ZNF483: variants seen among roughly 807,000 people sequenced by gnomAD.
ZNF483 encodes the protein zinc finger protein 483.
Under a neutral mutation model 28.6 loss-of-function variants are expected in ZNF483, and 9 were observed. The observed-to-expected ratio is 0.32, with a 90% CI of 0.19 to 0.55. ZNF483 has a LOEUF of 0.55. ZNF483 is among the 20% of genes least tolerant of loss of function. The probability of loss-of-function intolerance (pLI) is 0.93; values close to 1 mark genes in which losing one functional copy is unlikely to be tolerated. For missense variants in ZNF483, 675 were observed against 871.7 expected (o/e 0.77, Z 2.84); for synonymous variants, 322 against 306.2 (o/e 1.05, Z -0.54).
chr9:111,563,023 T>C, intron 5 of ZNF483: 2 of 1,490,846 alleles, frequency 1.3e-6, no homozygotes, highest in South Asian at 1.4e-5. Context: ...TGAGTACTAT[T>C]TCTTAAGACA....
chr9:111,570,424 CA>C (rs1200233134), intron 5 of ZNF483, among the ~76,000 whole-genome samples: 3 of 152,070 alleles, frequency 2.0e-5, no homozygotes, highest in Non-Finnish European at 2.9e-5. Context: ...TGTTCATATC[CA>C]AAAACCCCAG....
At chr9:111,534,184 C>A in intron 4 of ZNF483, 77 bp from the exon 5 acceptor site, 1 of 1,216,632 alleles carries the variant, frequency 8.2e-7, no homozygotes, top group Middle Eastern at 2.0e-4. Flanking sequence ...CTTGGAGAAC[C>A]AGAGGCTATA....
At chr9:111,571,358 G>A (rs1047691938) in intron 5 of ZNF483, among the ~76,000 whole-genome samples, 1 of 149,672 alleles carries the variant, frequency 6.7e-6, no homozygotes, top group African/African-American at 2.4e-5. Flanking sequence ...GCAGTGAGCT[G>A]AGATTGCACC....
intron 5 of ZNF483, among the ~76,000 whole-genome samples, chr9:111,567,114 G>A (rs1285388224): frequency 1.3e-5 from 2 of 151,406 alleles, no homozygotes; most frequent in African/African-American, 2.4e-5. Context: ...CGGGGGGCGT[G>A]GGATATGGAG....
At chr9:111,556,156 G>A (rs1054493289), downstream of ZNF483, among the ~76,000 whole-genome samples, 2 of 152,224 alleles carry the variant, frequency 1.3e-5, no homozygotes, top group African/African-American at 4.8e-5. Flanking sequence ...CCAAAACCTG[G>A]TGGGGCAGTC....
rs1827785679 is a variant in ZNF483 at position 111,545,504 on chromosome 9, A to G, written c.*2334A>G. Among the ~76,000 whole-genome samples, 1 of 152,158 alleles carries G rather than the reference A, an allele frequency of 6.6e-6. No homozygotes were observed. The highest frequency in any genetic ancestry group is 2.4e-5 in the African/African-American group (1 of 41,436). On this transcript the variant is annotated 3_prime_UTR_variant, in exon 6 of 6. Transcript: ENST00000309235. ...TTTAGTAAATATGCTGAGTTGTGCAACCATTACCATAATCCATTTTTTAGA... is the reference window on the plus strand; with the variant it reads ...TTTAGTAAATATGCTGAGTTGTGCAGCCATTACCATAATCCATTTTTTAGA...
rs538773631 is a variant in ZNF483, at chr9:111,551,833, T to G, written c.*8663T>G. ...TCAGTAACATATCAATTCAGTTTAT[T>G]AGCATCAAATTTGATGAAGCAGTGC... On this transcript the variant is annotated 3_prime_UTR_variant, in exon 6 of 6. Coordinates refer to ENST00000309235, the MANE Select transcript of ZNF483 (RefSeq NM_133464.5). Among the ~76,000 whole-genome samples, 6 of 152,342 alleles carry G rather than the reference T, an allele frequency of 3.9e-5. No homozygotes were observed. Among genetic ancestry groups the G allele is most frequent in the Admixed American group, 1.3e-4 (2 of 15,304 alleles).
At chr9:111,576,496 C>G in exon 6 of ZNF483, 2 of 1,584,584 alleles carry the variant, frequency 1.3e-6, no homozygotes, top group South Asian at 2.3e-5. Context: ...TCAAGAGGCT[C>G]TGGTTCGGGG....
rs751792658 is a variant in ZNF483, at chr9:111,549,809, C to G, written c.*6639C>G. 8.8e-6 allele frequency: 13 copies of G among 1,485,060 alleles called. No individual in the cohort carries two copies. The highest frequency in any genetic ancestry group is 1.1e-5 in the Non-Finnish European group (12 of 1,087,324). 92.0% of individuals were successfully genotyped at this position (1,485,060 alleles called of 1,614,324 possible). On this transcript the variant is annotated 3_prime_UTR_variant, in exon 6 of 6. Coordinates refer to ENST00000309235, the MANE Select transcript of ZNF483 (RefSeq NM_133464.5). ...CATTTTCTCTTTTGATCTGTCAACA[C>G]AATCAGAACATTTAGCTCTTTGAGC...
At chr9:111,563,461 A>G (rs1828403141) in intron 5 of ZNF483, 2 of 405,144 alleles carry the variant, frequency 4.9e-6, no homozygotes, top group South Asian at 6.6e-5. Context: ...GTGTCGGATC[A>G]TAGTGCGAAA....
chr9:111,528,367 T>A (rs914536523), intron 2 of ZNF483, among the ~76,000 whole-genome samples: 1 of 152,238 alleles, frequency 6.6e-6, no homozygotes, highest in Admixed American at 6.5e-5. Context: ...TATTTTATAG[T>A]GCAGTTCCAC....
rs1827328132 is a variant in ZNF483 at position 111,530,901 on chromosome 9, TC to T, written c.442del (p.Gln148LysfsTer23). 6.5e-7 allele frequency: 1 copy of T among 1,530,936 alleles called. No homozygotes were observed. The highest frequency in any genetic ancestry group is 8.9e-7 in the Non-Finnish European group (1 of 1,126,668). The allele number at this position is 1,530,936 out of a possible 1,614,324, so 94.8% of individuals were successfully genotyped here. A position where few individuals can be genotyped will look rare whatever the true frequency, so the allele number is the denominator to read the frequency against. ...TCCAGTCTCTCAAGATTCTACTGTT[TC>T]CCAAGAGGAGAACTCAAAAGAGGAT... ...KDPVSQDSTV[S>X]QEENSKEDKM... is the part of the protein sequence containing the mutation. On this transcript the variant is annotated frameshift_variant, in exon 3 of 6. Coordinates refer to ENST00000309235, the MANE Select transcript of ZNF483 (RefSeq NM_133464.5). LOFTEE classifies it high-confidence loss of function.
intron 5 of ZNF483, among the ~76,000 whole-genome samples, chr9:111,540,386 G>T (rs1827644056): frequency 6.6e-6 from 1 of 152,186 alleles, no homozygotes; most frequent in African/African-American, 2.4e-5. Flanking sequence ...AAAAGTGACA[G>T]TGTGACCTCA....
At position 111,548,711 on chromosome 9, in the gene ZNF483, T is replaced by A. The variant is rs1376044209; in HGVS notation, c.*5541T>A. On this transcript the variant is annotated 3_prime_UTR_variant, in exon 6 of 6. Transcript: ENST00000309235. ...TTATATCATTCCGTATGATGTTAGC[T>A]GTGGTCTTTTCATATTTGACCTTTA... 6.6e-6 allele frequency among the ~76,000 whole-genome samples: 1 copy of A among 152,252 alleles called. No homozygotes were observed. The highest frequency in any genetic ancestry group is 2.4e-5 in the African/African-American group (1 of 41,478).
chr9:111,541,761 G>C lies in ZNF483; in HGVS notation c.826G>C (p.Gly276Arg). The change falls in exon 6 of 6, where the codon GGT (glycine) becomes CGT (arginine). Residue 276 changes from glycine (G) to arginine (R), a missense_variant. Gly to Arg is a moderately radical substitution (Grantham distance 125). Transcript: ENST00000309235. The part of the protein sequence containing the change: ...QYCGSSEEDH[G>R]NQGNSKGRVA... ...TTGTGGCAGCTCAGAGGAGGATCAC[G>C]GTAATCAGGGAAATTCAAAAGGAAG... 1 of 1,614,160 alleles carries C rather than the reference G, an allele frequency of 6.2e-7. No individual in the cohort carries two copies. Among genetic ancestry groups the C allele is most frequent in the African/African-American group, 1.3e-5 (1 of 75,020 alleles).
chr9:111,574,714 C>T lies in ZNF483; in HGVS notation c.722-1651C>T, dbSNP rs1453689329. On this transcript the variant is annotated intron_variant, in intron 5 of 5. Transcript: ENST00000358151. ...TGTCCAGCCTTGTGACATATGGGAT[C>T]GTGTGCATGTGCTCATTACCTGGGG... 5 of 1,555,798 alleles carry T rather than the reference C, an allele frequency of 3.2e-6. No homozygotes were observed. The Admixed American group carries it at 5.2e-5, about 16-fold the overall frequency.
chr9:111,540,978 A>G (rs1827657214), intron 5 of ZNF483, among the ~76,000 whole-genome samples: 1 of 151,940 alleles, frequency 6.6e-6, no homozygotes, highest in African/African-American at 2.4e-5. Context: ...ACTTACTTGT[A>G]TTACACCGTG....
At position 111,542,500 on chromosome 9, in the gene ZNF483, C is replaced by T; in HGVS notation, c.1565C>T (p.Pro522Leu). The T allele has an allele frequency of 1.2e-6, 2 of 1,614,106 alleles. No homozygotes were observed. The highest frequency in any genetic ancestry group is 1.7e-6 in the Non-Finnish European group (2 of 1,180,020). Residue 522 changes from proline to leucine, a missense_variant, in exon 6 of 6, where the codon CCT (proline) becomes CTT (leucine). Physicochemically the swap from Pro to Leu is moderately conservative, Grantham distance 98 (BLOSUM62 -3). Coordinates refer to ENST00000309235, the MANE Select transcript of ZNF483 (RefSeq NM_133464.5). The surrounding 1 kb of genome is among the most constrained non-coding windows in gnomAD (Gnocchi z 6.2). ...CAGAGAATTCATACTGGAGAAAAAC[C>T]TTATAAATGTAAAGACTGTGGGAGA... ...KHQRIHTGEK[P>L]YKCKDCGRPF...
At chr9:111,570,910 T>G (rs1043543177) in intron 5 of ZNF483, among the ~76,000 whole-genome samples, 1 of 152,010 alleles carries the variant, frequency 6.6e-6, no homozygotes, top group Non-Finnish European at 1.5e-5. Context: ...AGGGACAGAA[T>G]ATGGGGTGAT....
Sources: gnomAD v4.1 joint callset for allele counts (sites outside exome capture counted in the v4.1 genomes callset) on GRCh38, gnomAD v4.1.1 for gene constraint, Gnocchi (gnomAD v3.1) non-coding constraint, MANE v1.5 for transcripts, NCBI Gene and HGNC (gene_info 2026-07-23, HGNC 2026-07-21) for gene names.